Variants in NXPH1 observed in about 807,000 individuals in gnomAD.
NXPH1 encodes neurexophilin-1.
Under a neutral mutation model 23.7 loss-of-function variants are expected in NXPH1, and 5 were observed. The ratio of observed to expected loss-of-function variants is 0.21; its 90% confidence interval spans 0.11 to 0.44. The LOEUF (loss-of-function observed/expected upper bound fraction) is 0.44, where lower values mean the gene tolerates loss of function less well. NXPH1 is among the 20% of genes least tolerant of loss of function. NXPH1 has a pLI of 0.99. For missense variants in NXPH1, 324 were observed against 321.6 expected (o/e 1.01, Z -0.06); for synonymous variants, 144 against 122.2 (o/e 1.18, Z -1.18).
chr7:8,530,178 G>C (rs554703426), intron 2 of NXPH1, among the ~76,000 whole-genome samples: 1 of 152,224 alleles, frequency 6.6e-6, no homozygotes, highest in South Asian at 2.1e-4. Flanking sequence ...CCTATGGATG[G>C]GCAGGGTAGC....
chr7:8,751,282 T>A lies in NXPH1; in HGVS notation c.329T>A (p.Val110Asp). ...CCCAGGGCCAAGAGAAGGCCCATTG[T>A]TAAAACGGGCAAGTTTAAGAAAATG... ...PRPRAKRRPI[V>D]KTGKFKKMFG... Residue 110 changes from valine to aspartate, a missense_variant, in exon 3 of 3, where the codon GTT (valine) becomes GAT (aspartate). By Grantham distance (152) the Val-to-Asp change is radical. Transcript: ENST00000405863. This position sits in a 1 kb window ranked among gnomAD's most constrained non-coding sequence, Gnocchi z 4.5. 6.2e-7 allele frequency: 1 copy of A among 1,613,974 alleles called. No individual in the cohort carries two copies. The highest frequency in any genetic ancestry group is 8.5e-7 in the Non-Finnish European group (1 of 1,179,858).
At chr7:8,678,927 A>AAT (rs1821000386) in intron 2 of NXPH1, among the ~76,000 whole-genome samples, 2 of 77,736 alleles carry the variant, frequency 2.6e-5, no homozygotes, top group African/African-American at 1.1e-4. Flanking sequence ...TGCTTTATCC[A>AAT]ATTTTTTTTT....
At chr7:8,684,703 T>C (rs1161323552) in intron 2 of NXPH1, among the ~76,000 whole-genome samples, 1 of 152,168 alleles carries the variant, frequency 6.6e-6, no homozygotes, top group Non-Finnish European at 1.5e-5. Flanking sequence ...ACTTTTGACA[T>C]GGTGAGAAGA....
chr7:8,480,183 T>C (rs1407523217), intron 2 of NXPH1, among the ~76,000 whole-genome samples: 1 of 152,128 alleles, frequency 6.6e-6, no homozygotes, highest in African/African-American at 2.4e-5. Flanking sequence ...TGCAGGAAGT[T>C]GGCCTTATAA....
intron 2 of NXPH1, among the ~76,000 whole-genome samples, chr7:8,561,351 G>GACACACACACACACACACACAC (rs61219039): frequency 1.8e-4 from 25 of 140,964 alleles, no homozygotes; most frequent in East Asian, 1.1e-3. Context: ...AAGCCTATGT[G>GACACACACACACACACACACAC]ACACACACAC....
chr7:8,748,198 G>C (rs1382980281), intron 2 of NXPH1, among the ~76,000 whole-genome samples: 1 of 152,146 alleles, frequency 6.6e-6, no homozygotes, highest in Non-Finnish European at 1.5e-5. Flanking sequence ...CGATTTTGCT[G>C]TTATTAGTCA....
At chr7:8,710,889 C>G (rs1167278586) in intron 2 of NXPH1, among the ~76,000 whole-genome samples, 1 of 115,270 alleles carries the variant, frequency 8.7e-6, no homozygotes, top group Non-Finnish European at 1.6e-5. Flanking sequence ...GTCTCGATCT[C>G]CTGACCTCAT....
chr7:8,590,366 C>T (rs1819066468), intron 2 of NXPH1, among the ~76,000 whole-genome samples: 1 of 152,084 alleles, frequency 6.6e-6, no homozygotes, highest in Non-Finnish European at 1.5e-5. Flanking sequence ...TGCTTCCAAT[C>T]AAGGCTGTAT....
At chr7:8,539,065 C>T (rs568721200) in intron 2 of NXPH1, among the ~76,000 whole-genome samples, 47 of 151,746 alleles carry the variant, frequency 3.1e-4, no homozygotes, top group East Asian at 5.8e-4. Flanking sequence ...GGCTCAACAG[C>T]GAACAATATT....
chr7:8,575,057 A>G (rs1818726307), intron 2 of NXPH1, among the ~76,000 whole-genome samples: 1 of 152,090 alleles, frequency 6.6e-6, no homozygotes, highest in South Asian at 2.1e-4. Flanking sequence ...TCCCTTTTAT[A>G]TTATGTTTGA....
At chr7:8,714,734 A>G (rs1294221359) in intron 2 of NXPH1, among the ~76,000 whole-genome samples, 1 of 152,028 alleles carries the variant, frequency 6.6e-6, no homozygotes, top group Non-Finnish European at 1.5e-5. Context: ...TAGAAATGTC[A>G]TCGGGTAGCA....
intron 2 of NXPH1, among the ~76,000 whole-genome samples, chr7:8,639,429 A>G (rs1820271350): frequency 6.6e-6 from 1 of 152,160 alleles, no homozygotes; most frequent in Admixed American, 6.5e-5. Context: ...CCTCTAAAAG[A>G]GTACTTATTT....
intron 2 of NXPH1, among the ~76,000 whole-genome samples, chr7:8,559,984 TGGTAACGGTAGAGCCATGCATTTGCC>T (rs1818414116): frequency 6.6e-6 from 1 of 151,652 alleles, no homozygotes. Context: ...GAGAGAAGAA[TGGTAACGGTAGAGCCATGCATTTGCC>T]GTCTTTAGGC....
In NXPH1 at chr7:8,652,002, A is replaced by T. The variant is rs189424106; in HGVS notation, c.55-99006A>T. On this transcript the variant is annotated intron_variant, in intron 2 of 2. Coordinates refer to ENST00000405863, the MANE Select transcript of NXPH1 (RefSeq NM_152745.3). ...TAAGGCCATTGATCCTCCCACCTCC[A>T]CCCTATTTTCTGCTTCTTTTTGGTA... Among the ~76,000 whole-genome samples the T allele has an allele frequency of 2.0e-5, 3 of 152,022 alleles. No homozygotes were observed. The East Asian group carries it at 5.8e-4, about 29-fold the overall frequency.
intron 2 of NXPH1, among the ~76,000 whole-genome samples, chr7:8,595,572 T>A (rs1208432095): frequency 6.6e-6 from 1 of 152,124 alleles, no homozygotes; most frequent in Non-Finnish European, 1.5e-5. Context: ...ATTGATTTAA[T>A]CTGCTAGGCA....
rs1294317429 is a variant in NXPH1 at position 8,714,517 on chromosome 7, C to T, written c.55-36491C>T. ...TTTTCTCAAGCAGAAGGGGTGTTTCCATAGCCACCACAGATGTTAATGTGC... is the reference window on the plus strand; with the variant it reads ...TTTTCTCAAGCAGAAGGGGTGTTTCTATAGCCACCACAGATGTTAATGTGC... On this transcript the variant is annotated intron_variant, in intron 2 of 2. Coordinates refer to ENST00000405863, the MANE Select transcript of NXPH1 (RefSeq NM_152745.3). 2.0e-5 allele frequency among the ~76,000 whole-genome samples: 3 copies of T among 151,634 alleles called. No individual in the cohort carries two copies. The East Asian group carries it at 5.9e-4, about 30-fold the overall frequency.
At chr7:8,735,979 A>G (rs1445467166) in intron 2 of NXPH1, among the ~76,000 whole-genome samples, 2 of 152,028 alleles carry the variant, frequency 1.3e-5, no homozygotes, top group Admixed American at 6.6e-5. Flanking sequence ...ATCAGTGGTG[A>G]TATCCCCTTT....
At chr7:8,674,009 A>C (rs935726330) in intron 2 of NXPH1, among the ~76,000 whole-genome samples, 1 of 152,164 alleles carries the variant, frequency 6.6e-6, no homozygotes, top group Non-Finnish European at 1.5e-5. Context: ...TAACAAAGTA[A>C]AGATCTATTG....
At chr7:8,681,277 C>T (rs1011674458) in intron 2 of NXPH1, among the ~76,000 whole-genome samples, 2 of 152,120 alleles carry the variant, frequency 1.3e-5, no homozygotes, top group African/African-American at 4.8e-5. Context: ...ATCTTCCGAC[C>T]AAAGTGATAT....
Sources: allele counts gnomAD v4.1 joint callset (sites outside exome capture counted in the v4.1 genomes callset), GRCh38; gene constraint gnomAD v4.1.1; non-coding constraint Gnocchi (gnomAD v3.1); transcripts MANE v1.5; gene names NCBI Gene and HGNC (gene_info 2026-07-23, HGNC 2026-07-21).